The following CDH13 variants were observed in gnomAD, a reference collection of about 807,000 sequenced individuals.
The protein encoded by CDH13 is cadherin-13.
A neutral mutation model predicts 63.8 loss-of-function variants in CDH13; 24 were observed. The ratio of observed to expected loss-of-function variants is 0.38; its 90% confidence interval spans 0.27 to 0.53. The LOEUF is 0.53. CDH13 is among the 20% of genes least tolerant of loss of function. CDH13 has a pLI of 0.85. For missense variants in CDH13, 1,049 were observed against 903.1 expected (o/e 1.16, Z -2.07); for synonymous variants, 503 against 355.3 (o/e 1.42, Z -4.67).
At chr16:82,689,588 G>T (rs1915431446) in intron 1 of CDH13, among the ~76,000 whole-genome samples, 1 of 152,128 alleles carries the variant, frequency 6.6e-6, no homozygotes. Context: ...CTTGAAGATT[G>T]TTTTCTGGGA....
At chr16:82,845,690 T>A (rs1195425163) in intron 1 of CDH13, among the ~76,000 whole-genome samples, 1 of 152,144 alleles carries the variant, frequency 6.6e-6, no homozygotes, top group Non-Finnish European at 1.5e-5. Flanking sequence ...CACCCAAGAG[T>A]ACCTCATATA....
intron 2 of CDH13, among the ~76,000 whole-genome samples, chr16:83,019,185 A>G (rs1041918628): frequency 2.0e-5 from 3 of 152,202 alleles, no homozygotes; most frequent in Non-Finnish European, 2.9e-5. Context: ...ACACAAACAC[A>G]TTGTACAGCT....
At chr16:83,192,119 C>G (rs775789910) in intron 4 of CDH13, among the ~76,000 whole-genome samples, 1 of 152,212 alleles carries the variant, frequency 6.6e-6, no homozygotes, top group Middle Eastern at 3.2e-3. Context: ...TTCCTGCCTT[C>G]TAATTCACAC....
intron 1 of CDH13, among the ~76,000 whole-genome samples, chr16:82,758,447 C>T (rs1361833644): frequency 6.7e-6 from 1 of 148,692 alleles, no homozygotes; most frequent in Non-Finnish European, 1.5e-5. Flanking sequence ...TTTGCTTTGT[C>T]TCCCCATTTC....
chr16:83,175,465 G>C (rs1370737713), intron 4 of CDH13, among the ~76,000 whole-genome samples: 1 of 152,102 alleles, frequency 6.6e-6, no homozygotes, highest in Non-Finnish European at 1.5e-5. Context: ...AAGAGGAAGG[G>C]ATTGTTTGGA....
chr16:82,693,340 G>A (rs927988066), intron 1 of CDH13, among the ~76,000 whole-genome samples: 2 of 152,150 alleles, frequency 1.3e-5, no homozygotes, highest in Non-Finnish European at 2.9e-5. Context: ...GAAAGTCTAG[G>A]CTTGGGTATC....
At chr16:82,799,665 C>T (rs188363010) in intron 1 of CDH13, among the ~76,000 whole-genome samples, 43 of 152,256 alleles carry the variant, frequency 2.8e-4, no homozygotes, top group Admixed American at 1.9e-3. Context: ...TTCTCATATT[C>T]GGCCTCTAAT....
intron 4 of CDH13, among the ~76,000 whole-genome samples, chr16:83,168,789 C>G (rs1008477693): frequency 2.0e-5 from 3 of 152,048 alleles, no homozygotes; most frequent in African/African-American, 7.2e-5. Flanking sequence ...TTGTATTCTG[C>G]TTTTTAAAAT....
At chr16:83,625,847 T>C (rs1327496451) in intron 8 of CDH13, among the ~76,000 whole-genome samples, 1 of 152,162 alleles carries the variant, frequency 6.6e-6, no homozygotes, top group African/African-American at 2.4e-5. Flanking sequence ...CCTACCCTTT[T>C]ACGTAAGCCA....
chr16:83,081,984 G>C (rs1035626466), intron 3 of CDH13, among the ~76,000 whole-genome samples: 2 of 151,994 alleles, frequency 1.3e-5, no homozygotes, highest in Non-Finnish European at 2.9e-5. Flanking sequence ...ATTTTTAGTA[G>C]AGACGGGGTT....
At chr16:82,916,346 C>T (rs1238364401) in intron 2 of CDH13, among the ~76,000 whole-genome samples, 2 of 152,080 alleles carry the variant, frequency 1.3e-5, no homozygotes, top group Non-Finnish European at 2.9e-5. Context: ...GAGGCCGAAG[C>T]GAGTGGATGA....
At chr16:83,699,729 A>G (rs1431651053) in intron 10 of CDH13, among the ~76,000 whole-genome samples, 2 of 152,224 alleles carry the variant, frequency 1.3e-5, no homozygotes, top group Non-Finnish European at 2.9e-5. Context: ...AGGCATGGAA[A>G]GGGCAGTTAC....
chr16:82,879,172 G>C (rs374550070), intron 2 of CDH13, among the ~76,000 whole-genome samples: 3 of 152,252 alleles, frequency 2.0e-5, no homozygotes, highest in South Asian at 4.1e-4. Flanking sequence ...ATTGGTGGCA[G>C]GCAGATGCCC....
intron 10 of CDH13, among the ~76,000 whole-genome samples, chr16:83,691,442 C>T (rs936894663): frequency 2.0e-5 from 3 of 152,102 alleles, no homozygotes; most frequent in Non-Finnish European, 4.4e-5. Context: ...CTGGGACACT[C>T]TCATATTGGG....
chr16:83,542,607 C>T (rs2150653465), intron 7 of CDH13, among the ~76,000 whole-genome samples: 1 of 152,338 alleles, frequency 6.6e-6, no homozygotes, highest in African/African-American at 2.4e-5. Flanking sequence ...AAGGTGTTGG[C>T]AAAGCCATGC....
chr16:82,836,052 C>T (rs1006119620), intron 1 of CDH13, among the ~76,000 whole-genome samples: 1 of 152,182 alleles, frequency 6.6e-6, no homozygotes, highest in African/African-American at 2.4e-5. Flanking sequence ...GCATTCTTCC[C>T]ATATGGCTTT....
intron 2 of CDH13, among the ~76,000 whole-genome samples, chr16:82,974,791 A>G (rs1597336646): frequency 1.3e-5 from 2 of 152,226 alleles, no homozygotes; most frequent in Non-Finnish European, 2.9e-5. Context: ...CATGTAAAAG[A>G]AAAGGAAGCA....
chr16:83,054,501 C>T (rs1448219259), intron 3 of CDH13, among the ~76,000 whole-genome samples: 5 of 152,118 alleles, frequency 3.3e-5, no homozygotes, highest in Non-Finnish European at 5.9e-5. Context: ...CCGGACAAAG[C>T]CATGATTCAT....
intron 10 of CDH13, among the ~76,000 whole-genome samples, chr16:83,734,228 A>G (rs1463327986): frequency 2.0e-5 from 3 of 152,192 alleles, no homozygotes; most frequent in Middle Eastern, 3.2e-3. Context: ...TTTGGTTAAG[A>G]TGTAATTGTT....
Sources: gnomAD v4.1 joint callset for allele counts (sites outside exome capture counted in the v4.1 genomes callset) on GRCh38, gnomAD v4.1.1 for gene constraint, MANE v1.5 for transcripts, NCBI Gene and HGNC (gene_info 2026-07-23, HGNC 2026-07-21) for gene names.